Variants in CAPS2 observed in about 807,000 individuals in gnomAD.
The protein encoded by CAPS2 is calcyphosin-2.
In CAPS2, 98 loss-of-function variants were observed where a neutral mutation model predicts 86.5. The observed-to-expected ratio is 1.13, with a 90% CI of 0.96 to 1.34. CAPS2 has a LOEUF of 1.34. CAPS2 is among the 40% of genes most tolerant of loss of function. CAPS2 has a pLI of 0.00. For synonymous variants in CAPS2, 210 were observed against 225.1 expected, an observed-to-expected ratio of 0.93 and a Z score of 0.60; for missense variants, 729 against 686.8, an observed-to-expected ratio of 1.06 and a Z score of -0.69.
intron 12 of CAPS2, 49 bp from the exon 13 acceptor site, chr12:75,291,869 A>G: frequency 2.1e-6 from 2 of 951,720 alleles, no homozygotes; most frequent in Non-Finnish European, 3.2e-6. Flanking sequence ...ATTCTATTTT[A>G]CAATCTTGAG....
intron 7 of CAPS2, among the ~76,000 whole-genome samples, chr12:75,311,665 G>T (rs1488018655): frequency 8.0e-6 from 1 of 124,362 alleles, no homozygotes; most frequent in African/African-American, 3.1e-5. Context: ...AAAGGTAGGA[G>T]AACAGTCACG....
chr12:75,308,259 C>A (rs1467000054), intron 7 of CAPS2, among the ~76,000 whole-genome samples: 3 of 152,162 alleles, frequency 2.0e-5, no homozygotes, highest in African/African-American at 7.2e-5. Flanking sequence ...TTGCAGGCCA[C>A]TTCTTCATTT....
At chr12:75,347,166 C>T (rs1007264854) in intron 1 of CAPS2, among the ~76,000 whole-genome samples, 1 of 151,586 alleles carries the variant, frequency 6.6e-6, no homozygotes, top group African/African-American at 2.4e-5. Flanking sequence ...TGTGACTTGA[C>T]AAAGGTAAGA....
chr12:75,280,888 A>G (rs1173599862), intron 16 of CAPS2, among the ~76,000 whole-genome samples: 2 of 151,910 alleles, frequency 1.3e-5, no homozygotes, highest in Non-Finnish European at 2.9e-5. Flanking sequence ...AACCAAAGTA[A>G]TTACAGTGTA....
Position 75,316,404 on chromosome 12 carries a change from C to T in CAPS2, c.499G>A (p.Asp167Asn), listed in dbSNP as rs924189797. ...GCTTTCCTATCCAGAGTCGTAAGGT[C>T]ATCTGTGTTGGCTTCTTCATCTTGC... The change falls in exon 6 of 17, where the codon GAC becomes AAC. Residue 167 changes from aspartate (D) to asparagine (N), a missense_variant. Asp to Asn is a conservative substitution (Grantham distance 23). Transcript: ENST00000393284. 14 of 1,550,206 alleles carry T rather than the reference C, an allele frequency of 9.0e-6. No individual in the cohort carries two copies. The African/African-American group carries it at 1.6e-4, about 18-fold the overall frequency.
chr12:75,287,990 C>G (rs1418418060), intron 14 of CAPS2, among the ~76,000 whole-genome samples: 26 of 152,208 alleles, frequency 1.7e-4, no homozygotes. Context: ...AGGCTATCCA[C>G]TGGGTTTCTA....
intron 1 of CAPS2, among the ~76,000 whole-genome samples, chr12:75,351,725 T>C (rs2042828826): frequency 6.6e-6 from 1 of 152,096 alleles, no homozygotes; most frequent in African/African-American, 2.4e-5. Context: ...TTTTGTATTT[T>C]TAGTACAGAC....
intron 2 of CAPS2, among the ~76,000 whole-genome samples, chr12:75,323,927 A>C (rs759056270): frequency 6.6e-6 from 1 of 152,202 alleles, no homozygotes; most frequent in Non-Finnish European, 1.5e-5. Flanking sequence ...AGGCACACTG[A>C]AACAGCCTTG....
upstream of CAPS2, among the ~76,000 whole-genome samples, chr12:75,333,341 T>C (rs1461565166): frequency 6.6e-6 from 1 of 152,176 alleles, no homozygotes. Context: ...TGTGTGTATA[T>C]GCCTATAGAT....
At chr12:75,376,546 C>A (rs1033431301) in intron 1 of CAPS2, among the ~76,000 whole-genome samples, 3 of 152,122 alleles carry the variant, frequency 2.0e-5, no homozygotes, top group African/African-American at 7.2e-5. Context: ...TCAGGCAGTA[C>A]AGGGTTAATC....
intron 11 of CAPS2, among the ~76,000 whole-genome samples, chr12:75,293,780 T>G (rs2036423944): frequency 6.6e-6 from 1 of 152,192 alleles, no homozygotes; most frequent in South Asian, 2.1e-4. Context: ...AGATGTTGCC[T>G]AATTATAAAA....
chr12:75,358,163 AAAT>A (rs1490494756), intron 1 of CAPS2, among the ~76,000 whole-genome samples: 1 of 151,816 alleles, frequency 6.6e-6, no homozygotes, highest in Non-Finnish European at 1.5e-5. Context: ...CAGATTTTAC[AAAT>A]ATTAAAAGTA....
At chr12:75,282,166 G>A (rs2034070719) in intron 16 of CAPS2, 85 bp downstream of exon 16, 2 of 802,526 alleles carry the variant, frequency 2.5e-6, no homozygotes, top group South Asian at 3.0e-5. Flanking sequence ...AATGGCCTCA[G>A]TCTAAGGTTT....
At chr12:75,288,026 C>T (rs150266227) in intron 14 of CAPS2, among the ~76,000 whole-genome samples, 12 of 152,302 alleles carry the variant, frequency 7.9e-5, no homozygotes, top group African/African-American at 2.6e-4. Context: ...GGAACCCCCA[C>T]AAGCATTTGG....
chr12:75,331,626 G>C (rs960797593), upstream of CAPS2, among the ~76,000 whole-genome samples: 2 of 151,314 alleles, frequency 1.3e-5, no homozygotes, highest in Non-Finnish European at 3.0e-5. Flanking sequence ...TGCAGTGGCG[G>C]GATCTCGGCT....
intron 1 of CAPS2, chr12:75,365,060 TC>T (rs1411656300): frequency 6.6e-6 from 1 of 152,110 alleles, no homozygotes; most frequent in Non-Finnish European, 1.5e-5. Context: ...ACTAATTATA[TC>T]CCTCAAAACC....
At chr12:75,299,752 T>C (rs1398426153) in intron 9 of CAPS2, 85 bp downstream of exon 9, 6 of 626,624 alleles carry the variant, frequency 9.6e-6, no homozygotes, top group Non-Finnish European at 1.7e-5. Flanking sequence ...CAAACCTATA[T>C]AATCTCATTA....
At chr12:75,322,797 A>T (rs1446276678) in intron 4 of CAPS2, 3 of 529,028 alleles carry the variant, frequency 5.7e-6, no homozygotes, top group Non-Finnish European at 6.8e-6. Context: ...TCATTTAAAA[A>T]TTTTAAAATA....
At chr12:75,374,459 T>C (rs2044544554) in intron 1 of CAPS2, among the ~76,000 whole-genome samples, 1 of 152,200 alleles carries the variant, frequency 6.6e-6, no homozygotes, top group African/African-American at 2.4e-5. Flanking sequence ...CCCATAGCAC[T>C]GGACCTCTAG....
Sources: gnomAD v4.1 joint callset for allele counts (sites outside exome capture counted in the v4.1 genomes callset) on GRCh38, gnomAD v4.1.1 for gene constraint, MANE v1.5 for transcripts, NCBI Gene and HGNC (gene_info 2026-07-23, HGNC 2026-07-21) for gene names.